NEDD9: variants seen among roughly 807,000 people sequenced by gnomAD.
The protein encoded by NEDD9 is enhancer of filamentation 1.
Under a neutral mutation model 76.6 loss-of-function variants are expected in NEDD9, and 26 were observed. That is an observed-to-expected ratio of 0.34 (90% CI 0.25 to 0.47). The LOEUF (loss-of-function observed/expected upper bound fraction) is 0.47, where lower values mean the gene tolerates loss of function less well. Ranked by LOEUF, NEDD9 falls within the 20% of genes least tolerant of loss-of-function variation. The probability of loss-of-function intolerance (pLI) is 1.00; values close to 1 mark genes in which losing one functional copy is unlikely to be tolerated. For synonymous variants in NEDD9, 392 were observed against 414.2 expected (o/e 0.95, Z 0.65); for missense variants, 937 against 1,058.5 (o/e 0.89, Z 1.59).
chr6:11,297,064 G>T (rs79744467), intron 3 of NEDD9, among the ~76,000 whole-genome samples: 17,429 of 151,202 alleles, frequency 0.12, 1,172 homozygotes, highest in Admixed American at 0.17. Flanking sequence ...ACTATAACAT[G>T]CCATGCCTGG....
intron 3 of NEDD9, among the ~76,000 whole-genome samples, chr6:11,298,156 C>T (rs1465632306): frequency 1.3e-5 from 2 of 152,100 alleles, no homozygotes; most frequent in Admixed American, 1.3e-4. Flanking sequence ...TATCTGCCCG[C>T]CTTGACCTCC....
intron 2 of NEDD9, among the ~76,000 whole-genome samples, chr6:11,323,507 G>A (rs1490479349): frequency 6.6e-6 from 1 of 152,210 alleles, no homozygotes; most frequent in Non-Finnish European, 1.5e-5. Context: ...ATCTAGCAAC[G>A]TCTGGAGACA....
At chr6:11,199,688 T>G (rs1420287576) in intron 2 of NEDD9, 1 of 123,720 alleles carries the variant, frequency 8.1e-6, no homozygotes, top group Non-Finnish European at 1.6e-5. Context: ...TGAGACAGAG[T>G]CTTACTCTGT....
At chr6:11,308,524 T>C (rs1006767444) in intron 2 of NEDD9, among the ~76,000 whole-genome samples, 5 of 151,700 alleles carry the variant, frequency 3.3e-5, no homozygotes, top group African/African-American at 4.8e-5. Flanking sequence ...CGCCCGCCAC[T>C]ACGCTGGGCT....
chr6:11,300,141 A>G (rs1281736277), intron 3 of NEDD9, among the ~76,000 whole-genome samples: 2 of 152,256 alleles, frequency 1.3e-5, no homozygotes, highest in Non-Finnish European at 2.9e-5. Flanking sequence ...GGCTAACTAG[A>G]ATAAACAGTG....
chr6:11,374,101 C>T (rs1762931407), intron 1 of NEDD9, among the ~76,000 whole-genome samples: 1 of 151,950 alleles, frequency 6.6e-6, no homozygotes, highest in Non-Finnish European at 1.5e-5. Flanking sequence ...CACACACATT[C>T]CATTGGTTCT....
intron 6 of NEDD9, 113 bp from the exon 7 acceptor site, chr6:11,185,784 T>C: frequency 1.6e-6 from 2 of 1,267,056 alleles, no homozygotes; most frequent in Non-Finnish European, 2.2e-6. Flanking sequence ...AACTGTCAGA[T>C]GCATGTGAGC....
Position 11,192,452 on chromosome 6 carries a change from G to A in NEDD9, c.562-6C>T. Reference sequence around the variant, plus strand: ...GAGGGAGGGATGTCGTATACCTGAAGAGAAACCCGTGAGTTACCCAGAATG... The same window carrying A: ...GAGGGAGGGATGTCGTATACCTGAAAAGAAACCCGTGAGTTACCCAGAATG... On this transcript the variant is annotated splice_region_variant and splice_polypyrimidine_tract_variant and intron_variant, in intron 3 of 6. Transcript: ENST00000379446. 1 of 1,604,608 alleles carries A rather than the reference G, an allele frequency of 6.2e-7. No individual in the cohort carries two copies. Among genetic ancestry groups the A allele is most frequent in the South Asian group, 1.1e-5 (1 of 89,930 alleles).
At chr6:11,312,520 A>G (rs533830230) in intron 2 of NEDD9, among the ~76,000 whole-genome samples, 4 of 152,112 alleles carry the variant, frequency 2.6e-5, no homozygotes, top group African/African-American at 9.6e-5. Flanking sequence ...TCATCTCTCT[A>G]TAACCCTTTC....
chr6:11,256,340 G>A (rs1295607567), intron 3 of NEDD9, among the ~76,000 whole-genome samples: 2 of 152,150 alleles, frequency 1.3e-5, no homozygotes, highest in African/African-American at 4.8e-5. Flanking sequence ...AGGAGGGCAG[G>A]ATATTTCTGT....
chr6:11,353,554 C>T (rs947185028), intron 1 of NEDD9, among the ~76,000 whole-genome samples: 3 of 152,202 alleles, frequency 2.0e-5, no homozygotes, highest in African/African-American at 7.2e-5. Flanking sequence ...TTTCAGACTG[C>T]TGGCCTCCAG....
intron 3 of NEDD9, among the ~76,000 whole-genome samples, chr6:11,284,592 A>G (rs1292500666): frequency 6.6e-6 from 1 of 151,220 alleles, no homozygotes; most frequent in Non-Finnish European, 1.5e-5. Flanking sequence ...AAAAATAAAG[A>G]ACAAACAGAC....
intron 3 of NEDD9, among the ~76,000 whole-genome samples, chr6:11,262,101 G>A (rs1760126020): frequency 6.6e-6 from 1 of 152,098 alleles, no homozygotes; most frequent in South Asian, 2.1e-4. Flanking sequence ...TGCCAAACAT[G>A]TGCCCGGACC....
At chr6:11,296,882 C>T (rs1032624847) in intron 3 of NEDD9, among the ~76,000 whole-genome samples, 1 of 152,146 alleles carries the variant, frequency 6.6e-6, no homozygotes, top group Non-Finnish European at 1.5e-5. Context: ...GTGCACATCA[C>T]CATGCCCGGC....
At chr6:11,349,779 G>T (rs1028695614) in intron 1 of NEDD9, among the ~76,000 whole-genome samples, 1 of 152,168 alleles carries the variant, frequency 6.6e-6, no homozygotes, top group Non-Finnish European at 1.5e-5. Flanking sequence ...GAGGGTGGAG[G>T]GTGAGAGGAG....
intron 3 of NEDD9, among the ~76,000 whole-genome samples, chr6:11,295,877 A>G (rs1760876270): frequency 6.6e-6 from 1 of 152,168 alleles, no homozygotes; most frequent in Admixed American, 6.5e-5. Flanking sequence ...GTTCCTGTAG[A>G]CACATTACAC....
chr6:11,200,917 C>A, intron 2 of NEDD9: 1 of 1,612,008 alleles, frequency 6.2e-7, no homozygotes, highest in Non-Finnish European at 8.5e-7. Flanking sequence ...AGAAAGACGG[C>A]AAGCCTCCAA....
intron 3 of NEDD9, among the ~76,000 whole-genome samples, chr6:11,276,397 A>ATG (rs1001460671): frequency 6.6e-6 from 1 of 151,994 alleles, no homozygotes; most frequent in African/African-American, 2.4e-5. Context: ...GTGTGCGTGC[A>ATG]TGTGTGTGTG....
intron 2 of NEDD9, chr6:11,334,405 A>G (rs1172498479): frequency 6.6e-6 from 1 of 152,246 alleles, no homozygotes; most frequent in African/African-American, 2.4e-5. Context: ...AATTAACTGA[A>G]TTTGTACAAA....
Sources: allele counts gnomAD v4.1 joint callset (sites outside exome capture counted in the v4.1 genomes callset), GRCh38; gene constraint gnomAD v4.1.1; transcripts MANE v1.5; gene names NCBI Gene and HGNC (gene_info 2026-07-23, HGNC 2026-07-21).